P2RX6: variants seen among roughly 807,000 people sequenced by gnomAD.
The protein encoded by P2RX6 is purinergic receptor P2X 6.
In P2RX6, 62 loss-of-function variants were observed where a neutral mutation model predicts 54.2. That is an observed-to-expected ratio of 1.14 (90% CI 0.93 to 1.41). The LOEUF is 1.41. Among genes scored for constraint, P2RX6 ranks in the 40% most tolerant of loss-of-function variants. The probability of loss-of-function intolerance (pLI) is 0.00; values close to 1 mark genes in which losing one functional copy is unlikely to be tolerated. For synonymous variants in P2RX6, 211 were observed against 231.9 expected (o/e 0.91, Z 0.82); for missense variants, 541 against 566.3 (o/e 0.96, Z 0.45).
chr22:21,022,380 T>C (rs994813458), intron 3 of P2RX6, among the ~76,000 whole-genome samples: 2 of 152,042 alleles, frequency 1.3e-5, no homozygotes, highest in African/African-American at 4.8e-5. Flanking sequence ...TCACTAAAAA[T>C]AAATTTTTTG....
rs1476509598 is a variant in P2RX6, at chr22:21,027,732, G to C, written c.*1115G>C. 1 of 152,366 alleles carries C rather than the reference G, an allele frequency of 6.6e-6. No homozygotes were observed. Among genetic ancestry groups the C allele is most frequent in the African/African-American group, 2.4e-5 (1 of 41,434 alleles). The allele number at this position is 152,366 out of a possible 1,614,324, so 9.4% of individuals were successfully genotyped here. On this transcript the variant is annotated 3_prime_UTR_variant, in exon 12 of 12. Coordinates refer to ENST00000413302, the MANE Select transcript of P2RX6 (RefSeq NM_005446.5). The stretch of plus-strand genomic sequence containing the variant: ...TCCACTGTGGGTACCTGGTGATCAG[G>C]GCAAGCTGTGGAGGGCCAGGGGTGG...
chr22:21,012,549 C>A, upstream of P2RX6: 2 of 620,958 alleles, frequency 3.2e-6, no homozygotes, highest in South Asian at 3.1e-5. Context: ...TGCTTTTGCT[C>A]AGGGCACCTG....
intron 8 of P2RX6, among the ~76,000 whole-genome samples, chr22:21,024,540 T>C (rs1475799551): frequency 6.6e-6 from 1 of 152,014 alleles, no homozygotes; most frequent in Non-Finnish European, 1.5e-5. Flanking sequence ...CCTCCCATAG[T>C]GCTGGGATTA....
chr22:21,024,874 T>TTGTG (rs202136058), intron 8 of P2RX6, among the ~76,000 whole-genome samples: 39 of 88,116 alleles, frequency 4.4e-4, no homozygotes, highest in African/African-American at 1.3e-3. Context: ...CCTGTTTTTT[T>TTGTG]TGTGTTTTTT....
chr22:21,011,855 T>C (rs771265319), upstream of P2RX6, among the ~76,000 whole-genome samples: 1 of 152,110 alleles, frequency 6.6e-6, no homozygotes, highest in Non-Finnish European at 1.5e-5. Flanking sequence ...ACTGCTGTGG[T>C]GGGGGGCAGC....
rs1008560095 is a variant in P2RX6, at chr22:21,023,508, G to C, written c.781-1G>C. The C allele has an allele frequency of 1.2e-6, 2 of 1,613,688 alleles. No individual in the cohort carries two copies. The highest frequency in any genetic ancestry group is 1.7e-6 in the Non-Finnish European group (2 of 1,179,774). Reference sequence around the variant, plus strand: ...GTGGAAAAGCTATGTGCTATGTGCAGGGTGGCTCTGTAGGCATCAGAGTTC... The same window carrying C: ...GTGGAAAAGCTATGTGCTATGTGCACGGTGGCTCTGTAGGCATCAGAGTTC... On this transcript the variant is annotated splice_acceptor_variant, in intron 7 of 11. Transcript: ENST00000413302. LOFTEE classifies it high-confidence loss of function.
Position 21,025,762 on chromosome 22 carries a change from G to T in P2RX6, c.891-43G>T, listed in dbSNP as rs777446611. ...TCTGGCAGGGCCAGCCCCACCTGGG[G>T]GTGGGCAAAGCAGGTCACCAGAGCC... On this transcript the variant is annotated intron_variant, in intron 8 of 11. Transcript: ENST00000413302. 5 of 1,472,988 alleles carry T rather than the reference G, an allele frequency of 3.4e-6. No individual in the cohort carries two copies. In the South Asian group the frequency reaches 6.1e-5, roughly 18 times the overall value. 91.2% of individuals were successfully genotyped at this position (1,472,988 alleles called of 1,614,324 possible). A position where few individuals can be genotyped will look rare whatever the true frequency, so the allele number is the denominator to read the frequency against.
chr22:21,018,389 A>G (rs1316515301), intron 3 of P2RX6: 1 of 370,848 alleles, frequency 2.7e-6, no homozygotes, highest in Non-Finnish European at 5.2e-6. Flanking sequence ...AGGCCCTCCC[A>G]TCCTGGTCCT....
chr22:21,012,817 C>CCT (rs1292027682), upstream of P2RX6, among the ~76,000 whole-genome samples: 2 of 152,046 alleles, frequency 1.3e-5, no homozygotes, highest in Non-Finnish European at 2.9e-5. Flanking sequence ...CCCACCCCCA[C>CCT]CTCTCCCAGA....
intron 2 of P2RX6, 77 bp downstream of exon 2, chr22:21,016,169 T>G (rs1277007934): frequency 3.5e-6 from 5 of 1,426,672 alleles, no homozygotes; most frequent in Non-Finnish European, 4.8e-6. Context: ...ATGCAGCCAG[T>G]GTGTGCGAGA....
At chr22:21,014,350 T>A (rs952905021), upstream of P2RX6, 2 of 152,406 alleles carry the variant, frequency 1.3e-5, no homozygotes, top group African/African-American at 4.8e-5. Flanking sequence ...TCGACTGGCG[T>A]CTGCCACGGC....
intron 8 of P2RX6, among the ~76,000 whole-genome samples, chr22:21,024,192 C>A (rs553744687): frequency 6.6e-6 from 1 of 151,940 alleles, no homozygotes; most frequent in African/African-American, 2.4e-5. Flanking sequence ...CCCCTGACCT[C>A]AGGTGATCCA....
chr22:21,023,500 T>C lies in P2RX6; in HGVS notation c.781-9T>C, dbSNP rs759908113. On this transcript the variant is annotated splice_polypyrimidine_tract_variant and intron_variant, in intron 7 of 11. Coordinates refer to ENST00000413302, the MANE Select transcript of P2RX6 (RefSeq NM_005446.5). Reference sequence around the variant, plus strand: ...ACCCACCGGTGGAAAAGCTATGTGCTATGTGCAGGGTGGCTCTGTAGGCAT... The same window carrying C: ...ACCCACCGGTGGAAAAGCTATGTGCCATGTGCAGGGTGGCTCTGTAGGCAT... The C allele has an allele frequency of 1.2e-6, 2 of 1,613,682 alleles. No individual in the cohort carries two copies. Among genetic ancestry groups the C allele is most frequent in the African/African-American group, 1.3e-5 (1 of 75,034 alleles).
At position 21,022,743 on chromosome 22, in the gene P2RX6, A is replaced by G; in HGVS notation, c.455A>G (p.His152Arg). 3 of 1,572,400 alleles carry G rather than the reference A, an allele frequency of 1.9e-6. No homozygotes were observed. Among genetic ancestry groups the G allele is most frequent in the Middle Eastern group, 1.7e-4 (1 of 5,834 alleles). The stretch of plus-strand genomic sequence containing the variant: ...TGCCCCGAAGGGGAGGGAGGCACAC[A>G]CAGCCACGGTAACTGTGGGCTCTGT... The part of the protein sequence containing the change: ...EDCPEGEGGT[H>R]SHGVKTGQCV... The change falls in exon 4 of 12, where the codon CAC (histidine) becomes CGC (arginine). Residue 152 changes from histidine (H) to arginine (R), a missense_variant. By Grantham distance (29) the His-to-Arg change is conservative. This residue lies in a region of P2RX6 where 526 missense variants were observed against 531.5 expected (regional missense o/e 0.99). Coordinates refer to ENST00000413302, the MANE Select transcript of P2RX6 (RefSeq NM_005446.5).
rs149517468 is a variant in P2RX6, at chr22:21,025,379, C to T, written c.891-426C>T. 2.4e-3 allele frequency among the ~76,000 whole-genome samples: 365 copies of T among 152,190 alleles called. 1 individual carries two copies. The highest frequency in any genetic ancestry group is 7.7e-3 in the African/African-American group (321 of 41,518). On this transcript the variant is annotated intron_variant, in intron 8 of 11. Transcript: ENST00000413302. ...CAACCTCCCCAGCCCTTCGAAACCA[C>T]GTGGGGCTGGCTCCCACCCACATCC...
chr22:21,014,380 C>G (rs1228298252), upstream of P2RX6: 3 of 152,384 alleles, frequency 2.0e-5, no homozygotes, highest in South Asian at 2.1e-4. Flanking sequence ...CGCGCTCCCC[C>G]GCGGCGGTCG....
rs1343264447 is a variant in P2RX6 at position 21,015,294 on chromosome 22, C to G, written c.120C>G (p.Ala40=). ...YVMTRNWRVG[A]LQRLLQFGIV... The stretch of plus-strand genomic sequence containing the variant: ...TGACCAGGAACTGGCGGGTGGGCGC[C>G]CTGCAGAGGCTGCTGCAGTTTGGGA... Residue 40 remains alanine, a synonymous_variant, in exon 1 of 12, where the codon GCC becomes GCG. Coordinates refer to ENST00000413302, the MANE Select transcript of P2RX6 (RefSeq NM_005446.5). 1.2e-5 allele frequency: 18 copies of G among 1,555,330 alleles called. No individual in the cohort carries two copies. The highest frequency in any genetic ancestry group is 2.1e-5 in the Admixed American group (1 of 46,974).
chr22:21,009,963 C>T (rs1470635018), intron 1 of P2RX6: 2 of 152,286 alleles, frequency 1.3e-5, no homozygotes, highest in African/African-American at 4.8e-5. Flanking sequence ...TGTGGGGAGG[C>T]CCTGTTTTTG....
At chr22:21,016,608 C>T (rs893664170) in intron 2 of P2RX6, among the ~76,000 whole-genome samples, 4 of 147,746 alleles carry the variant, frequency 2.7e-5, no homozygotes, top group African/African-American at 9.9e-5. Context: ...AAAAAAAAAG[C>T]CAGGCCAGAG....
Sources: gnomAD v4.1 joint callset for allele counts (sites outside exome capture counted in the v4.1 genomes callset) on GRCh38, gnomAD v4.1.1 for gene constraint, gnomAD v4.1.1 regional missense constraint, MANE v1.5 for transcripts, NCBI Gene and HGNC (gene_info 2026-07-23, HGNC 2026-07-21) for gene names.